The following GABBR2 variants were observed in gnomAD, a reference collection of about 807,000 sequenced individuals.
The protein encoded by GABBR2 is gamma-aminobutyric acid type B receptor subunit 2.
GABBR2 carries 23 observed loss-of-function variants against 105.6 expected under a neutral mutation model. The observed-to-expected ratio is 0.22, with a 90% CI of 0.16 to 0.31. The LOEUF (loss-of-function observed/expected upper bound fraction) is 0.31. Among genes scored for constraint, GABBR2 ranks in the 10% least tolerant of loss-of-function variants. The probability of loss-of-function intolerance (pLI) is 1.00; values close to 1 mark genes in which losing one functional copy is unlikely to be tolerated. For missense variants in GABBR2, 734 were observed against 1,245.5 expected, an observed-to-expected ratio of 0.59 and a Z score of 6.18; for synonymous variants, 478 against 499.7, an observed-to-expected ratio of 0.96 and a Z score of 0.58.
intron 2 of GABBR2, among the ~76,000 whole-genome samples, chr9:98,556,884 A>G (rs972251268): frequency 6.6e-5 from 10 of 152,068 alleles, no homozygotes; most frequent in Non-Finnish European, 1.0e-4. Context: ...ATCTCTATGG[A>G]AAAAAATAAA....
At chr9:98,409,905 G>A (rs1046919645) in intron 7 of GABBR2, among the ~76,000 whole-genome samples, 8 of 152,294 alleles carry the variant, frequency 5.3e-5, no homozygotes, top group Non-Finnish European at 1.0e-4. Context: ...CTTTGTCTCA[G>A]AGCCTGTTTT....
intron 13 of GABBR2, among the ~76,000 whole-genome samples, chr9:98,332,233 A>C (rs374208903): frequency 1.3e-5 from 2 of 152,188 alleles, no homozygotes; most frequent in African/African-American, 4.8e-5. Context: ...TGGCCATGGA[A>C]GTGCACTGGA....
rs948002594 is a variant in GABBR2 at position 98,682,363 on chromosome 9, CA to C, written c.321+26053del. 5.3e-4 allele frequency among the ~76,000 whole-genome samples: 69 copies of C among 129,912 alleles called. 2 individuals carry two copies. In the East Asian group the frequency reaches 0.012, roughly 22 times the overall value. The allele number at this position is 129,912 out of a possible 152,430, so 85.2% of individuals were successfully genotyped here. On this transcript the variant is annotated intron_variant, in intron 1 of 18. Coordinates refer to ENST00000259455, the MANE Select transcript of GABBR2 (RefSeq NM_005458.8). Reference sequence around the variant, plus strand: ...ACACGAGATAGGAGATGGATTTTACCATCTTTTTTTTTTTTTTTTTTTTTTT... The same window carrying C: ...ACACGAGATAGGAGATGGATTTTACCTCTTTTTTTTTTTTTTTTTTTTTTT...
chr9:98,556,924 G>A (rs1828595332), intron 2 of GABBR2, among the ~76,000 whole-genome samples: 1 of 152,062 alleles, frequency 6.6e-6, no homozygotes, highest in Non-Finnish European at 1.5e-5. Context: ...CATGCCTGTG[G>A]TCCCAGCTAC....
chr9:98,325,663 T>G (rs1265521303), intron 13 of GABBR2, among the ~76,000 whole-genome samples: 1 of 152,174 alleles, frequency 6.6e-6, no homozygotes, highest in Non-Finnish European at 1.5e-5. Context: ...CAAGGGGATC[T>G]GAGTAGGGCA....
chr9:98,454,314 G>A lies in GABBR2; in HGVS notation c.1000-97C>T. ...GAGCTGCTATTCTTCAATGCCCACA[G>A]GGTGCCAGGTACAGTGCTAGATTCT... is the stretch of plus-strand genomic sequence containing the variant. On this transcript the variant is annotated intron_variant, in intron 6 of 18. Coordinates refer to ENST00000259455, the MANE Select transcript of GABBR2 (RefSeq NM_005458.8). The surrounding 1 kb of genome is among the most constrained non-coding windows in gnomAD (Gnocchi z 4.6). 1.2e-6 allele frequency: 1 copy of A among 817,710 alleles called. No individual in the cohort carries two copies. Among genetic ancestry groups the A allele is most frequent in the Non-Finnish European group, 2.1e-6 (1 of 465,654 alleles). The allele number at this position is 817,710 out of a possible 1,614,324, so 50.7% of individuals were successfully genotyped here.
intron 1 of GABBR2, among the ~76,000 whole-genome samples, chr9:98,672,893 A>G (rs919960863): frequency 2.0e-5 from 3 of 152,228 alleles, no homozygotes; most frequent in African/African-American, 7.2e-5. Context: ...GGCAATTTCA[A>G]CTGCCTTTAA....
intron 7 of GABBR2, among the ~76,000 whole-genome samples, chr9:98,450,648 C>G (rs573717696): frequency 1.3e-5 from 2 of 151,508 alleles, no homozygotes; most frequent in African/African-American, 4.8e-5. Flanking sequence ...ACCTCAGACA[C>G]TCATCTACAC....
intron 2 of GABBR2, among the ~76,000 whole-genome samples, chr9:98,551,690 C>A (rs1407073646): frequency 6.6e-6 from 1 of 152,158 alleles, no homozygotes; most frequent in Non-Finnish European, 1.5e-5. Context: ...TCAGGGCCTG[C>A]ATACTGAACC....
chr9:98,364,222 T>G (rs2572364), intron 12 of GABBR2, among the ~76,000 whole-genome samples: 67,611 of 152,100 alleles, frequency 0.44, 17,330 homozygotes, highest in African/African-American at 0.71. Flanking sequence ...AGCTTAACTC[T>G]CACCCTCTGG....
intron 6 of GABBR2, among the ~76,000 whole-genome samples, chr9:98,471,189 TG>T (rs1826666695): frequency 6.6e-6 from 1 of 152,166 alleles, no homozygotes; most frequent in Admixed American, 6.5e-5. Context: ...CTCGTAACTG[TG>T]GGGTAATGTA....
At chr9:98,371,871 G>A (rs1349286482) in intron 11 of GABBR2, among the ~76,000 whole-genome samples, 1 of 136,764 alleles carries the variant, frequency 7.3e-6, no homozygotes, top group Non-Finnish European at 1.5e-5. Context: ...GGACTGCTGA[G>A]ATGCTGAGAT....
In GABBR2 at chr9:98,497,266, C is replaced by CAACAG. The variant is rs1370864346; in HGVS notation, c.631-757_631-753dup. Among the ~76,000 whole-genome samples the CAACAG allele has an allele frequency of 1.1e-4, 17 of 152,302 alleles. No homozygotes were observed. The East Asian group carries it at 3.1e-3, about 28-fold the overall frequency. ...TGGGTGACAGAACAAGACCTTGTCT[C>CAACAG]AACAGAACAAAACAAAACAAAAGAC... is the stretch of plus-strand genomic sequence containing the variant. On this transcript the variant is annotated intron_variant, in intron 3 of 18. Transcript: ENST00000259455.
chr9:98,572,047 C>T (rs1288569581), intron 2 of GABBR2, among the ~76,000 whole-genome samples: 2 of 152,178 alleles, frequency 1.3e-5, no homozygotes, highest in East Asian at 3.9e-4. Context: ...TGGGTCATGC[C>T]CTAGTGGGTT....
chr9:98,449,277 G>T (rs551749208), intron 7 of GABBR2, among the ~76,000 whole-genome samples: 63 of 152,312 alleles, frequency 4.1e-4, no homozygotes, highest in African/African-American at 1.5e-3. Flanking sequence ...CTTGGATACT[G>T]CCTAGCAATT....
At chr9:98,607,324 G>A in intron 1 of GABBR2, 1 of 778,830 alleles carries the variant, frequency 1.3e-6, no homozygotes. Context: ...ATACTTCATT[G>A]CTCCTTCAGG....
intron 1 of GABBR2, among the ~76,000 whole-genome samples, chr9:98,652,321 T>A (rs1830119717): frequency 6.6e-6 from 1 of 152,150 alleles, no homozygotes; most frequent in Non-Finnish European, 1.5e-5. Context: ...CAACTTGAAC[T>A]CCCTTCCTAT....
chr9:98,329,817 C>T (rs2131388631), intron 13 of GABBR2, among the ~76,000 whole-genome samples: 1 of 152,068 alleles, frequency 6.6e-6, no homozygotes, highest in South Asian at 2.1e-4. Context: ...ATCTGCTCCT[C>T]TCTCCCTTCC....
chr9:98,542,564 G>A (rs1216210865), intron 2 of GABBR2, among the ~76,000 whole-genome samples: 1 of 152,022 alleles, frequency 6.6e-6, no homozygotes, highest in Non-Finnish European at 1.5e-5. Context: ...TTTGTACATA[G>A]CATTTTTGTT....
Sources: gnomAD v4.1 joint callset for allele counts (sites outside exome capture counted in the v4.1 genomes callset) on GRCh38, gnomAD v4.1.1 for gene constraint, Gnocchi (gnomAD v3.1) non-coding constraint, MANE v1.5 for transcripts, NCBI Gene and HGNC (gene_info 2026-07-23, HGNC 2026-07-21) for gene names.